LARGE1: variants seen among roughly 807,000 people sequenced by gnomAD.
The protein encoded by LARGE1 is LARGE xylosyl- and glucuronyltransferase 1.
In LARGE1, 43 loss-of-function variants were observed where a neutral mutation model predicts 87.6. The observed-to-expected ratio is 0.49, with a 90% CI of 0.38 to 0.63. The LOEUF (loss-of-function observed/expected upper bound fraction) is 0.63, where lower values mean the gene tolerates loss of function less well. Among genes scored for constraint, LARGE1 ranks in the 30% least tolerant of loss-of-function variants. The pLI is 0.00. For synonymous variants in LARGE1, 434 were observed against 394.6 expected (o/e 1.10, Z -1.18); for missense variants, 802 against 1,000.2 (o/e 0.80, Z 2.67).
chr22:33,459,795 C>T (rs1304187294), intron 6 of LARGE1, among the ~76,000 whole-genome samples: 5 of 151,510 alleles, frequency 3.3e-5, no homozygotes, highest in African/African-American at 1.2e-4. Flanking sequence ...CATAGTGGCT[C>T]TGAGCCTAGG....
In LARGE1 at chr22:33,437,982, T is replaced by G. The variant is rs568940477; in HGVS notation, c.788-5717A>C. ...CCACCGAGTCACCTACCACATCCCT[T>G]CCAGCACTGCAGCCAGGCCTCCCCA... On this transcript the variant is annotated intron_variant, in intron 6 of 14. Transcript: ENST00000397394. 6.5e-4 allele frequency among the ~76,000 whole-genome samples: 99 copies of G among 152,136 alleles called. 1 individual carries two copies. The highest frequency in any genetic ancestry group is 2.3e-3 in the African/African-American group (97 of 41,498).
chr22:33,761,507 C>T lies in LARGE1; in HGVS notation c.-31G>A, dbSNP rs117199378. The T allele has an allele frequency of 3.7e-3, 5,707 of 1,552,466 alleles. 166 individuals carry two copies. In the Admixed American group the frequency reaches 0.064, roughly 17 times the overall value. The stretch of plus-strand genomic sequence containing the variant: ...CAGAAGTGGCAATCCCTAATCCCAG[C>T]GCCGTTTCTCTGTCCGGAGCATGAA... On this transcript the variant is annotated 5_prime_UTR_variant, in exon 2 of 15. Coordinates refer to ENST00000397394, the MANE Select transcript of LARGE1 (RefSeq NM_133642.5).
chr22:33,361,014 A>G (rs969639122), intron 9 of LARGE1, among the ~76,000 whole-genome samples: 5 of 149,192 alleles, frequency 3.4e-5, no homozygotes, highest in African/African-American at 7.4e-5. Context: ...CGGGAGTTCA[A>G]GACAAGCCTG....
intron 6 of LARGE1, among the ~76,000 whole-genome samples, chr22:33,463,833 C>T (rs1409875951): frequency 1.3e-5 from 2 of 152,072 alleles, no homozygotes; most frequent in East Asian, 3.9e-4. Flanking sequence ...CTACCACGCT[C>T]AGCTAATTTT....
intron 2 of LARGE1, among the ~76,000 whole-genome samples, chr22:33,662,528 C>T (rs1264380643): frequency 2.6e-5 from 4 of 152,128 alleles, no homozygotes; most frequent in Non-Finnish European, 1.5e-5. Flanking sequence ...CCACACTTCA[C>T]CAGAAGTGTC....
chr22:33,227,258 G>T (rs1925788249), intron 11 of LARGE1, among the ~76,000 whole-genome samples: 1 of 152,178 alleles, frequency 6.6e-6, no homozygotes, highest in Non-Finnish European at 1.5e-5. Context: ...TTTACAGCAG[G>T]TCATTTGGCT....
chr22:33,091,311 A>C, the LARGE1 span, among the ~76,000 whole-genome samples: 2 of 152,290 alleles, frequency 1.3e-5, no homozygotes, highest in Non-Finnish European at 2.9e-5. Context: ...CTGTAATCCT[A>C]GCACTTTGGG....
chr22:33,676,440 T>C (rs952988040), intron 2 of LARGE1, among the ~76,000 whole-genome samples: 1 of 96,956 alleles, frequency 1.0e-5, no homozygotes, highest in African/African-American at 3.9e-5. Context: ...ACAATAGTGA[T>C]AGATAACTGA....
At chr22:33,764,194 G>T (rs1336807933) in intron 1 of LARGE1, among the ~76,000 whole-genome samples, 1 of 151,970 alleles carries the variant, frequency 6.6e-6, no homozygotes, top group East Asian at 1.9e-4. Context: ...TCCCCCACAG[G>T]ATTGGGTAGA....
chr22:33,604,612 T>G (rs2079203373), intron 4 of LARGE1, 54 bp from the exon 5 acceptor site: 1 of 1,611,324 alleles, frequency 6.2e-7, no homozygotes, highest in African/African-American at 1.3e-5. Flanking sequence ...CTCTTTGAAT[T>G]ACAGCTGCAA....
chr22:33,860,770 C>A (rs2063894724), intron 1 of LARGE1, among the ~76,000 whole-genome samples: 1 of 152,228 alleles, frequency 6.6e-6, no homozygotes, highest in Non-Finnish European at 1.5e-5. Flanking sequence ...TACCAGGCCA[C>A]TACCCTGACC....
At chr22:33,713,982 G>GTAACGTAACA (rs1556008353) in intron 2 of LARGE1, among the ~76,000 whole-genome samples, 95 of 126,250 alleles carry the variant, frequency 7.5e-4, no homozygotes, top group Admixed American at 3.0e-3. Context: ...GTAACATAAC[G>GTAACGTAACA]TAACATAACA....
chr22:33,921,427 G>T (rs75758906), upstream of LARGE1, among the ~76,000 whole-genome samples: 5,673 of 152,230 alleles, frequency 0.037, 200 homozygotes, highest in East Asian at 0.17. This position sits in a 1 kb window ranked among gnomAD's most constrained non-coding sequence, Gnocchi z 4.1. Context: ...AGGCTCGCAG[G>T]CTTGCAGGAC....
At chr22:33,097,283 G>A in the LARGE1 span, among the ~76,000 whole-genome samples, 3 of 152,198 alleles carry the variant, frequency 2.0e-5, no homozygotes, top group African/African-American at 7.2e-5. Context: ...GAAGTCTGGA[G>A]GAGAACCAGG....
chr22:33,094,995 A>C, the LARGE1 span, among the ~76,000 whole-genome samples: 40,565 of 152,094 alleles, frequency 0.27, 5,958 homozygotes, highest in Non-Finnish European at 0.34. Context: ...CTGGGATTAC[A>C]GGCATGAGCC....
the LARGE1 span, among the ~76,000 whole-genome samples, chr22:33,149,026 T>G: frequency 6.6e-6 from 1 of 151,280 alleles, no homozygotes; most frequent in Non-Finnish European, 1.5e-5. Context: ...GCTTCATTTT[T>G]GTTTTCTTTT....
Position 33,773,165 on chromosome 22 carries a change from C to A in LARGE1, c.-82-11607G>T, listed in dbSNP as rs538022599. On this transcript the variant is annotated intron_variant, in intron 1 of 14. Coordinates refer to ENST00000397394, the MANE Select transcript of LARGE1 (RefSeq NM_133642.5). ...AAGCAACTGGTGCCTCCCTCCGGGT[C>A]TGGGGCCACGCGAGCATCTCTGTGG... Among the ~76,000 whole-genome samples, 4 of 152,332 alleles carry A rather than the reference C, an allele frequency of 2.6e-5. No individual in the cohort carries two copies. The South Asian group carries it at 8.3e-4, about 32-fold the overall frequency.
At chr22:33,886,656 C>CAAAAAAAAAAAAAAAAAA (rs869173776) in intron 1 of LARGE1, among the ~76,000 whole-genome samples, 1 of 34,586 alleles carries the variant, frequency 2.9e-5, no homozygotes, top group Non-Finnish European at 5.8e-5. Context: ...GAGATTCTGC[C>CAAAAAAAAAAAAAAAAAA]AAAAAAAAAA....
chr22:33,210,264 T>C (rs973928917), intron 11 of LARGE1, among the ~76,000 whole-genome samples: 1 of 152,250 alleles, frequency 6.6e-6, no homozygotes, highest in Non-Finnish European at 1.5e-5. Context: ...TGTATCCTTG[T>C]CCTCTTTGCC....
Sources: gnomAD v4.1 joint callset for allele counts (sites outside exome capture counted in the v4.1 genomes callset) on GRCh38, gnomAD v4.1.1 for gene constraint, Gnocchi (gnomAD v3.1) non-coding constraint, MANE v1.5 for transcripts, NCBI Gene and HGNC (gene_info 2026-07-23, HGNC 2026-07-21) for gene names.